Variants in SNX7 observed in about 807,000 individuals in gnomAD.
SNX7 encodes the protein sorting nexin-7.
SNX7 carries 35 observed loss-of-function variants against 48.4 expected under a neutral mutation model. That is an observed-to-expected ratio of 0.72 (90% CI 0.55 to 0.96). The LOEUF (loss-of-function observed/expected upper bound fraction) is 0.96, where lower values mean the gene tolerates loss of function less well. Ranked by LOEUF, SNX7 falls within the 40% of genes least tolerant of loss-of-function variation. SNX7 has a pLI of 0.00. For synonymous variants in SNX7, 190 were observed against 190.2 expected (o/e 1.00, Z 0.01); for missense variants, 553 against 548.9 (o/e 1.01, Z -0.07).
chr1:98,706,470 G>A (rs1375198562), intron 7 of SNX7, among the ~76,000 whole-genome samples: 1 of 152,102 alleles, frequency 6.6e-6, no homozygotes, highest in Admixed American at 6.6e-5. Context: ...AATGAAGTCA[G>A]GTCTAACCAG....
intron 7 of SNX7, among the ~76,000 whole-genome samples, chr1:98,702,195 A>C (rs558398305): frequency 6.6e-6 from 1 of 152,170 alleles, no homozygotes; most frequent in African/African-American, 2.4e-5. Context: ...ATGAAAGGCA[A>C]TGCTAGCATT....
chr1:98,707,066 A>G (rs941886294), intron 7 of SNX7, among the ~76,000 whole-genome samples: 2 of 152,322 alleles, frequency 1.3e-5, no homozygotes, highest in Non-Finnish European at 2.9e-5. Flanking sequence ...TGTCAAGGTC[A>G]TTAAAGTATG....
chr1:98,682,413 GC>G, intron 1 of SNX7, among the ~76,000 whole-genome samples: 1 of 151,726 alleles, frequency 6.6e-6, no homozygotes, highest in South Asian at 2.1e-4. Flanking sequence ...TTCTTTCTTG[GC>G]ATATTCTCTT....
intron 1 of SNX7, among the ~76,000 whole-genome samples, chr1:98,668,634 C>T (rs1649674042): frequency 6.6e-6 from 1 of 152,102 alleles, no homozygotes; most frequent in Admixed American, 6.6e-5. Context: ...GTTCTGTTAA[C>T]CATGGCCTGT....
intron 7 of SNX7, among the ~76,000 whole-genome samples, chr1:98,732,958 C>G (rs1465963288): frequency 6.6e-6 from 1 of 152,106 alleles, no homozygotes; most frequent in Admixed American, 6.6e-5. Flanking sequence ...AATGTCAGGT[C>G]TGCTTCGGTG....
In SNX7 at chr1:98,721,169, C is replaced by T. The variant is rs181223965; in HGVS notation, c.1126-17068C>T. Among the ~76,000 whole-genome samples the T allele has an allele frequency of 6.0e-4, 92 of 152,164 alleles. 1 individual carries two copies. In the East Asian group the frequency reaches 0.011, roughly 18 times the overall value. On this transcript the variant is annotated intron_variant, in intron 7 of 8. Transcript: ENST00000306121. Reference sequence around the variant, plus strand: ...TGGTACTTTTTGAGTACTGACATGACGCTCACAGGAATGCTCTTTGGAGCA... The same window carrying T: ...TGGTACTTTTTGAGTACTGACATGATGCTCACAGGAATGCTCTTTGGAGCA...
chr1:98,699,170 C>T (rs1258402320), intron 6 of SNX7, among the ~76,000 whole-genome samples: 2 of 152,158 alleles, frequency 1.3e-5, no homozygotes, highest in African/African-American at 2.4e-5. Context: ...TCAAAATTTA[C>T]ATAGGGAATA....
In SNX7 at chr1:98,695,588, C is replaced by T. The variant is rs756173460; in HGVS notation, c.710C>T (p.Ala237Val). Residue 237 changes from alanine (A) to valine (V), a missense_variant, in exon 5 of 9, where the codon GCG becomes GTG. Physicochemically the swap from Ala to Val is moderately conservative, Grantham distance 64 (BLOSUM62 0). Transcript: ENST00000306121. ...ATGGGGCAAACCGTCAGAGCTGTTG[C>T]GTCCTCAATGAGAGGAGTTAAAAAC... ...SRMGQTVRAVASSMRGVKNRP... is the reference protein window; with the variant it reads ...SRMGQTVRAVVSSMRGVKNRP... The T allele has an allele frequency of 1.1e-5, 17 of 1,613,954 alleles. No individual in the cohort carries two copies. The highest frequency in any genetic ancestry group is 4.5e-5 in the East Asian group (2 of 44,874).
intron 1 of SNX7, among the ~76,000 whole-genome samples, chr1:98,679,713 T>G (rs1650373004): frequency 6.6e-6 from 1 of 152,124 alleles, no homozygotes; most frequent in Non-Finnish European, 1.5e-5. Context: ...ATCTTAAAAC[T>G]CCAAAATGAT....
chr1:98,699,299 C>T (rs1468220874), intron 6 of SNX7, among the ~76,000 whole-genome samples: 1 of 152,194 alleles, frequency 6.6e-6, no homozygotes. Flanking sequence ...TATTTAGTAC[C>T]ATTATGTAGA....
In SNX7 at chr1:98,684,906, A is replaced by C; in HGVS notation, c.202A>C (p.Asn68His). Residue 68 changes from asparagine (N) to histidine (H), a missense_variant, in exon 2 of 9, where the codon AAC becomes CAC. Asn to His is a moderately conservative substitution (Grantham distance 68). Coordinates refer to ENST00000306121, the MANE Select transcript of SNX7 (RefSeq NM_015976.5). ...FSKDASLMDM[N>H]SFSPMMPTSP... ...TTAGGATGCCTCATTGATGGACATG[A>C]ACTCCTTCAGCCCTATGATGCCAAC... 6.6e-7 allele frequency: 1 copy of C among 1,516,364 alleles called. No homozygotes were observed. The highest frequency in any genetic ancestry group is 8.9e-7 in the Non-Finnish European group (1 of 1,127,594). 93.9% of individuals were successfully genotyped at this position (1,516,364 alleles called of 1,614,324 possible). A position where few individuals can be genotyped will look rare whatever the true frequency, so the allele number is the denominator to read the frequency against.
chr1:98,726,658 GA>G (rs1307608417), intron 7 of SNX7, among the ~76,000 whole-genome samples: 1 of 139,582 alleles, frequency 7.2e-6, no homozygotes, highest in Admixed American at 7.1e-5. Context: ...TTTTTAAGGG[GA>G]TTTTTTTTGG....
At chr1:98,711,701 T>C (rs897981210) in intron 7 of SNX7, among the ~76,000 whole-genome samples, 5 of 152,212 alleles carry the variant, frequency 3.3e-5, no homozygotes, top group Non-Finnish European at 5.9e-5. Context: ...GATTACGTGT[T>C]GGTTGATGAA....
chr1:98,673,015 T>C (rs1440254468), intron 1 of SNX7, among the ~76,000 whole-genome samples: 1 of 151,530 alleles, frequency 6.6e-6, no homozygotes, highest in Non-Finnish European at 1.5e-5. Flanking sequence ...TCACCTCCAA[T>C]TGGCTAATGC....
At chr1:98,718,014 A>G (rs1348251301) in intron 7 of SNX7, among the ~76,000 whole-genome samples, 1 of 152,142 alleles carries the variant, frequency 6.6e-6, no homozygotes, top group Non-Finnish European at 1.5e-5. Context: ...TGCAAGACAT[A>G]TAATGGGCAC....
intron 1 of SNX7, among the ~76,000 whole-genome samples, chr1:98,683,906 A>C (rs1420341370): frequency 6.6e-6 from 1 of 152,138 alleles, no homozygotes; most frequent in Non-Finnish European, 1.5e-5. Flanking sequence ...TCGAGCTCAG[A>C]CCTTTCAGAA....
At position 98,691,098 on chromosome 1, in the gene SNX7, C is replaced by T. The variant is rs1651094500; in HGVS notation, c.387C>T (p.Ser129=). The change falls in exon 3 of 9, where the codon TCC becomes TCT. Residue 129 remains serine (S), a synonymous_variant. Transcript: ENST00000306121. ...ITKTSRGEFD[S]SEFEVRRRYQ... is the part of the protein sequence containing the mutation. ...AGACATCTCGTGGGGAATTTGACTC[C>T]AGTGAATTTGAAGTTAGGAGACGAT... The T allele has an allele frequency of 1.2e-6, 2 of 1,605,896 alleles. No individual in the cohort carries two copies. Among genetic ancestry groups the T allele is most frequent in the Middle Eastern group, 1.7e-4 (1 of 6,016 alleles).
intron 7 of SNX7, among the ~76,000 whole-genome samples, chr1:98,709,556 A>G (rs1040081171): frequency 1.3e-5 from 2 of 152,178 alleles, no homozygotes; most frequent in African/African-American, 4.8e-5. Flanking sequence ...CCATAAATCT[A>G]TTTATGATAA....
intron 7 of SNX7, among the ~76,000 whole-genome samples, chr1:98,713,508 G>T (rs1652430745): frequency 6.6e-6 from 1 of 151,884 alleles, no homozygotes; most frequent in African/African-American, 2.4e-5. Context: ...TTTCTTCCAA[G>T]AACTTTTTCT....
Sources: gnomAD v4.1 joint callset for allele counts (sites outside exome capture counted in the v4.1 genomes callset) on GRCh38, gnomAD v4.1.1 for gene constraint, MANE v1.5 for transcripts, NCBI Gene and HGNC (gene_info 2026-07-23, HGNC 2026-07-21) for gene names.